Variants in CNOT1 observed in about 807,000 individuals in gnomAD.
The protein encoded by CNOT1 is CCR4-associated factor 1.
In CNOT1, 15 loss-of-function variants were observed where a neutral mutation model predicts 273.8. That is an observed-to-expected ratio of 0.05 (90% CI 0.04 to 0.08). The LOEUF (loss-of-function observed/expected upper bound fraction) is 0.08, where lower values mean the gene tolerates loss of function less well. Ranked by LOEUF, CNOT1 falls within the 10% of genes least tolerant of loss-of-function variation. CNOT1 has a pLI of 1.00. For missense variants in CNOT1, 1,644 were observed against 2,912.2 expected, an observed-to-expected ratio of 0.56 and a Z score of 10.02; for synonymous variants, 1,022 against 1,005.5, an observed-to-expected ratio of 1.02 and a Z score of -0.31.
chr16:58,558,765 C>T (rs1322628919), intron 17 of CNOT1, 91 bp from the exon 18 acceptor site: 3 of 1,508,730 alleles, frequency 2.0e-6, no homozygotes, highest in South Asian at 1.2e-5. Context: ...TCTTCATAAT[C>T]TTAAAAAGCA....
chr16:58,595,698 A>C (rs536861797), intron 2 of CNOT1, among the ~76,000 whole-genome samples: 2 of 152,214 alleles, frequency 1.3e-5, no homozygotes, highest in South Asian at 4.2e-4. Context: ...CCCCAGAGAA[A>C]AAGCAGGCCA....
In CNOT1 at chr16:58,546,383, T is replaced by A; in HGVS notation, c.3944A>T (p.Gln1315Leu). 6.2e-7 allele frequency: 1 copy of A among 1,614,000 alleles called. No individual in the cohort carries two copies. Among genetic ancestry groups the A allele is most frequent in the Non-Finnish European group, 8.5e-7 (1 of 1,179,938 alleles). ...DKDRLKNLDE[Q>L]LSAPKKDVKQ... is the part of the protein sequence containing the mutation. ...GACATCTTTCTTTGGAGCAGAGAGT[T>A]GCTCATCTAAATTCTTCAGGCGATC... Residue 1315 changes from glutamine (Q) to leucine (L), a missense_variant, in exon 29 of 49, where the codon CAA becomes CTA. Physicochemically the swap from Gln to Leu is moderately radical, Grantham distance 113. Around this residue, in one of 13 missense-constraint regions of CNOT1, gnomAD observed 52 missense variants for 50.2 expected, o/e 1.04. Coordinates refer to ENST00000317147, the MANE Select transcript of CNOT1 (RefSeq NM_016284.5).
Position 58,538,854 on chromosome 16 carries a change from T to C in CNOT1, c.5053A>G (p.Arg1685Gly). ...TTTAGGACCAAGAGGTGGCATTCCC[T>C]GTAGCGCAGCAGAAGGTCAGCATCA... The part of the protein sequence containing the change: ...GADADLLLRY[R>G]ECHLLVLKAL... Residue 1685 changes from arginine (R) to glycine (G), a missense_variant, in exon 36 of 49, where the codon AGG (arginine) becomes GGG (glycine). Around this residue, in one of 13 missense-constraint regions of CNOT1, gnomAD observed 170 missense variants for 273.1 expected, o/e 0.62. Coordinates refer to ENST00000317147, the MANE Select transcript of CNOT1 (RefSeq NM_016284.5). 3 of 1,611,296 alleles carry C rather than the reference T, an allele frequency of 1.9e-6. No individual in the cohort carries two copies. The highest frequency in any genetic ancestry group is 2.5e-6 in the Non-Finnish European group (3 of 1,179,590).
At chr16:58,528,794 A>G in intron 43 of CNOT1, 146 bp from the exon 44 acceptor site, 1 of 573,908 alleles carries the variant, frequency 1.7e-6, no homozygotes, top group South Asian at 2.5e-5. Context: ...TTTAATTAAC[A>G]TTATCACAGA....
intron 16 of CNOT1, among the ~76,000 whole-genome samples, chr16:58,563,686 G>C (rs551636761): frequency 3.9e-5 from 6 of 152,116 alleles, no homozygotes; most frequent in Non-Finnish European, 8.8e-5. Context: ...TAGAGATACC[G>C]TATCTCCATG....
chr16:58,530,716 A>C (rs1477481023), intron 42 of CNOT1: 1 of 155,858 alleles, frequency 6.4e-6, no homozygotes, highest in Non-Finnish European at 1.4e-5. Context: ...CCTGGGAGGC[A>C]GAGGTTGCAG....
intron 44 of CNOT1, among the ~76,000 whole-genome samples, chr16:58,526,511 TAAAAAAA>T (rs57367601): frequency 1.2e-5 from 1 of 80,814 alleles, no homozygotes; most frequent in African/African-American, 5.3e-5. Context: ...ACTTACTCCT[TAAAAAAA>T]AAAAAAAAAA....
Position 58,619,430 on chromosome 16 carries a change from TTC to T in CNOT1, c.-175+10296_-175+10297del, listed in dbSNP as rs1491360947. On this transcript the variant is annotated intron_variant, in intron 1 of 48. Transcript: ENST00000317147. ...GTCACACTAGAGTTTTGCATTTTCTTTCTTTTTTTTTTTTTGAGACAGCGTCT... is the reference window on the plus strand; with the variant it reads ...GTCACACTAGAGTTTTGCATTTTCTTTTTTTTTTTTTTTGAGACAGCGTCT... Among the ~76,000 whole-genome samples, 5 of 151,712 alleles carry T rather than the reference TTC, an allele frequency of 3.3e-5. No homozygotes were observed. In the Admixed American group the frequency reaches 3.3e-4, roughly 10 times the overall value.
chr16:58,539,858 A>C lies in CNOT1; in HGVS notation c.4902T>G (p.Pro1634=). 6.2e-7 allele frequency: 1 copy of C among 1,614,172 alleles called. No individual in the cohort carries two copies. The change falls in exon 35 of 49, where the codon CCT becomes CCG. Residue 1634 remains proline, a synonymous_variant. Coordinates refer to ENST00000317147, the MANE Select transcript of CNOT1 (RefSeq NM_016284.5). ...AGAGACTTCGAAGAGCCTGAGCTTG[A>C]GGGTTCATGGCCAAAGTTGGTGGGA... ...HAIPPTLAMN[P]QAQALRSLLE... is the part of the protein sequence containing the mutation.
rs760643086 is a variant in CNOT1 at position 58,520,765 on chromosome 16, C to CA, written c.*192dup. Reference sequence around the variant, plus strand: ...CATCTTCTAAATTTTGGCCAAGAGTCAAAAAAATGCATTTAAACTTTGGAA... The same window carrying CA: ...CATCTTCTAAATTTTGGCCAAGAGTCAAAAAAAATGCATTTAAACTTTGGAA... On this transcript the variant is annotated 3_prime_UTR_variant, in exon 49 of 49. Transcript: ENST00000317147. 20 of 595,902 alleles carry CA rather than the reference C, an allele frequency of 3.4e-5. No homozygotes were observed. Among genetic ancestry groups the CA allele is most frequent in the East Asian group, 1.4e-4 (5 of 35,846 alleles). 36.9% of individuals were successfully genotyped at this position (595,902 alleles called of 1,614,324 possible).
chr16:58,587,139 T>A, intron 6 of CNOT1, 62 bp downstream of exon 6: 4 of 1,573,348 alleles, frequency 2.5e-6, no homozygotes, highest in Non-Finnish European at 3.4e-6. Context: ...CAGAGCCTCA[T>A]GATTAAAAAC....
At chr16:58,548,415 G>C (rs2040331680) in intron 25 of CNOT1, 2 of 453,488 alleles carry the variant, frequency 4.4e-6, no homozygotes, top group Non-Finnish European at 8.7e-6. Flanking sequence ...AAAAAACATG[G>C]TCTTGAAACT....
At chr16:58,557,659 C>T (rs1236336599) in intron 18 of CNOT1, among the ~76,000 whole-genome samples, 1 of 151,914 alleles carries the variant, frequency 6.6e-6, no homozygotes, top group Non-Finnish European at 1.5e-5. Context: ...GCTTTTATTT[C>T]AATGTAAAGT....
chr16:58,530,299 C>T lies in CNOT1; in HGVS notation c.6226G>A (p.Ala2076Thr), dbSNP rs763708618. The part of the protein sequence containing the change: ...QLLIDLFKYL[A>T]PFLRNVELTK... ...AGTTCCACATTTCTAAGGAAAGGCG[C>T]TAAATATTTGAATAAATCAATCAGT... The change falls in exon 43 of 49, where the codon GCG becomes ACG. Residue 2076 changes from alanine to threonine, a missense_variant. Ala to Thr is a moderately conservative substitution (Grantham distance 58, BLOSUM62 0). This residue lies in a region of CNOT1 where 25 missense variants were observed against 31.2 expected (regional missense o/e 0.80). Coordinates refer to ENST00000317147, the MANE Select transcript of CNOT1 (RefSeq NM_016284.5). 3.1e-6 allele frequency: 5 copies of T among 1,611,916 alleles called. No homozygotes were observed. The highest frequency in any genetic ancestry group is 4.2e-6 in the Non-Finnish European group (5 of 1,178,624).
At chr16:58,596,838 A>C (rs2042271742) in intron 2 of CNOT1, among the ~76,000 whole-genome samples, 1 of 136,888 alleles carries the variant, frequency 7.3e-6, no homozygotes, top group Non-Finnish European at 1.5e-5. Flanking sequence ...CAGTGAGCCA[A>C]GATCGCGCCA....
intron 6 of CNOT1, 34 bp downstream of exon 6, chr16:58,587,167 T>A: frequency 6.2e-7 from 1 of 1,605,292 alleles, no homozygotes; most frequent in South Asian, 1.1e-5. Context: ...TTTTAAAGTC[T>A]CACTTCGTGA....
intron 1 of CNOT1, among the ~76,000 whole-genome samples, chr16:58,601,153 G>T (rs1044943142): frequency 2.0e-5 from 3 of 152,232 alleles, no homozygotes; most frequent in African/African-American, 7.2e-5. Flanking sequence ...AAGGGGTTTC[G>T]CCATGTTGGC....
intron 25 of CNOT1, among the ~76,000 whole-genome samples, chr16:58,548,348 T>C (rs2040328933): frequency 6.6e-6 from 1 of 151,824 alleles, no homozygotes; most frequent in African/African-American, 2.4e-5. Flanking sequence ...CACACATGTA[T>C]ATACCCATCT....
At chr16:58,611,676 C>CT (rs1173116967) in intron 1 of CNOT1, among the ~76,000 whole-genome samples, 2 of 151,804 alleles carry the variant, frequency 1.3e-5, no homozygotes, top group Non-Finnish European at 2.9e-5. Flanking sequence ...CAAAAATTAG[C>CT]TGGGTGTGGT....
Sources: allele counts gnomAD v4.1 joint callset (sites outside exome capture counted in the v4.1 genomes callset), GRCh38; gene constraint gnomAD v4.1.1; regional missense constraint gnomAD v4.1.1; transcripts MANE v1.5; gene names NCBI Gene and HGNC (gene_info 2026-07-23, HGNC 2026-07-21).